CFAP54: variants seen among roughly 807,000 people sequenced by gnomAD.
The protein encoded by CFAP54 is cilia and flagella associated protein 54.
A neutral mutation model predicts 370.4 loss-of-function variants in CFAP54; 290 were observed. That is an observed-to-expected ratio of 0.78 (90% CI 0.71 to 0.86). The LOEUF is 0.86. Ranked by LOEUF, CFAP54 falls within the 40% of genes least tolerant of loss-of-function variation. The probability of loss-of-function intolerance (pLI) is 0.00; values close to 1 mark genes in which losing one functional copy is unlikely to be tolerated. For missense variants in CFAP54, 3,399 were observed against 3,528.7 expected, an observed-to-expected ratio of 0.96 and a Z score of 0.93; for synonymous variants, 1,206 against 1,236.5, an observed-to-expected ratio of 0.98 and a Z score of 0.52.
At chr12:96,730,046 G>T (rs921353881) in intron 50 of CFAP54, among the ~76,000 whole-genome samples, 1 of 152,120 alleles carries the variant, frequency 6.6e-6, no homozygotes, top group Non-Finnish European at 1.5e-5. Context: ...CTCTAATACA[G>T]AATAAAGTTA....
rs746564009 is a variant in CFAP54 at position 96,818,811 on chromosome 12, TCACTC to T, written c.9096+904_9096+908del. 7.2e-5 allele frequency among the ~76,000 whole-genome samples: 11 copies of T among 152,342 alleles called. No homozygotes were observed. The South Asian group carries it at 1.2e-3, about 17-fold the overall frequency. On this transcript the variant is annotated intron_variant, in intron 65 of 67. Transcript: ENST00000524981. ...TTCCCAAACTCACTGATGAGATAAG[TCACTC>T]CACTCTTTTGTGGGTAAATCCAAAA...
chr12:96,777,075 T>G (rs1441400679), intron 60 of CFAP54, among the ~76,000 whole-genome samples: 1 of 152,206 alleles, frequency 6.6e-6, no homozygotes, highest in Non-Finnish European at 1.5e-5. Context: ...AACAAATGTT[T>G]GCCTCCTACC....
chr12:96,492,543 G>A (rs1447371385), intron 1 of CFAP54, among the ~76,000 whole-genome samples: 1 of 152,098 alleles, frequency 6.6e-6, no homozygotes, highest in African/African-American at 2.4e-5. Context: ...TTTTTTAATC[G>A]ATTTGTTTTC....
intron 58 of CFAP54, among the ~76,000 whole-genome samples, chr12:96,760,458 C>T (rs1388856242): frequency 1.3e-5 from 2 of 152,174 alleles, no homozygotes; most frequent in African/African-American, 2.4e-5. Flanking sequence ...CCCCTAGTCC[C>T]ATGAAACCAC....
chr12:96,647,500 A>AAAAAC (rs1565927578), intron 33 of CFAP54, among the ~76,000 whole-genome samples: 143 of 145,268 alleles, frequency 9.8e-4, no homozygotes, highest in East Asian at 5.4e-3. Context: ...AAAAAAAGAA[A>AAAAAC]TGCCATTGAT....
intron 63 of CFAP54, among the ~76,000 whole-genome samples, chr12:96,802,333 T>C (rs1184861628): frequency 6.6e-6 from 1 of 151,210 alleles, no homozygotes; most frequent in Non-Finnish European, 1.5e-5. Flanking sequence ...ATTTTGAGAG[T>C]TTAATGTTGG....
chr12:96,621,439 T>G (rs1009859117), intron 26 of CFAP54, 151 bp from the exon 27 acceptor site: 17 of 451,148 alleles, frequency 3.8e-5, no homozygotes, highest in Non-Finnish European at 6.2e-5. Flanking sequence ...TAATACGATC[T>G]GGAGGTAAAC....
intron 42 of CFAP54, 58 bp downstream of exon 42, chr12:96,685,296 C>T: frequency 6.6e-7 from 1 of 1,512,584 alleles, no homozygotes; most frequent in Non-Finnish European, 9.2e-7. Context: ...GTGGGGTGCC[C>T]TCCTGTGCCA....
chr12:96,734,907 C>A (rs189061500), intron 50 of CFAP54, among the ~76,000 whole-genome samples: 5 of 152,162 alleles, frequency 3.3e-5, no homozygotes, highest in South Asian at 2.1e-4. Context: ...GTAAATATGA[C>A]AAATAGTTCC....
chr12:96,496,192 T>C (rs1455421192), intron 1 of CFAP54, among the ~76,000 whole-genome samples: 1 of 152,252 alleles, frequency 6.6e-6, no homozygotes, highest in Non-Finnish European at 1.5e-5. Context: ...TCTCCTTCAC[T>C]CAATCAGTGA....
At chr12:96,796,891 T>C (rs1053561376) in intron 63 of CFAP54, among the ~76,000 whole-genome samples, 10 of 152,310 alleles carry the variant, frequency 6.6e-5, no homozygotes, top group Admixed American at 5.9e-4. Flanking sequence ...GTTATTTTCC[T>C]AGCTGCTGAC....
intron 32 of CFAP54, among the ~76,000 whole-genome samples, chr12:96,636,087 C>G (rs1472239240): frequency 1.3e-5 from 2 of 152,196 alleles, no homozygotes; most frequent in East Asian, 3.9e-4. Context: ...TCTAGAGGCT[C>G]TACCCTGAGT....
At position 96,644,336 on chromosome 12, in the gene CFAP54, A is replaced by T; in HGVS notation, c.4475A>T (p.His1492Leu). 6.5e-7 allele frequency: 1 copy of T among 1,536,006 alleles called. No homozygotes were observed. Among genetic ancestry groups the T allele is most frequent in the South Asian group, 1.2e-5 (1 of 84,058 alleles). ...AQMNLYLAGA[H>L]FNLVLQKLWE... is the part of the protein sequence containing the mutation. ...ATGAACCTGTATCTAGCAGGTGCAC[A>T]CTTTAACCTGGTTTTACAAAAGCTA... Residue 1492 changes from histidine to leucine, a missense_variant, in exon 33 of 68, where the codon CAC (histidine) becomes CTC (leucine). Around this residue, in one of 3 missense-constraint regions of CFAP54, gnomAD observed 2,796 missense variants for 2,869.7 expected, o/e 0.97. Transcript: ENST00000524981.
At position 96,756,460 on chromosome 12, in the gene CFAP54, A is replaced by G. The variant is rs1414107205; in HGVS notation, c.7843A>G (p.Lys2615Glu). The stretch of plus-strand genomic sequence containing the variant: ...TTTGTATCTTTTTCTTCTTTCAGGC[A>G]AAATAGAACGTCAAATACTAATGGA... ...VEAEILFQKG[K>E]IERQILMEEK... The change falls in exon 57 of 68, where the codon AAA becomes GAA. Residue 2615 changes from lysine to glutamate, a missense_variant and splice_region_variant. By Grantham distance (56) the Lys-to-Glu change is moderately conservative. Around this residue, in one of 3 missense-constraint regions of CFAP54, gnomAD observed 2,796 missense variants for 2,869.7 expected, o/e 0.97. Coordinates refer to ENST00000524981, the MANE Select transcript of CFAP54 (RefSeq NM_001306084.2). The G allele has an allele frequency of 1.3e-6, 2 of 1,576,660 alleles. No homozygotes were observed. Among genetic ancestry groups the G allele is most frequent in the Non-Finnish European group, 1.7e-6 (2 of 1,163,448 alleles).
Position 96,630,208 on chromosome 12 carries a change from A to G in CFAP54, c.4215+4A>G. The G allele has an allele frequency of 7.1e-7, 1 of 1,418,212 alleles. No individual in the cohort carries two copies. Among genetic ancestry groups the G allele is most frequent in the South Asian group, 1.3e-5 (1 of 78,904 alleles). 87.9% of individuals were successfully genotyped at this position (1,418,212 alleles called of 1,614,324 possible). A position where few individuals can be genotyped will look rare whatever the true frequency, so the allele number is the denominator to read the frequency against. On this transcript the variant is annotated splice_donor_region_variant and intron_variant, in intron 31 of 67. Transcript: ENST00000524981. The stretch of plus-strand genomic sequence containing the variant: ...TGCAGTAATGGAAATTGGAAGAGTA[A>G]GTTTCCTATGAGTTTTGAATTTTAG...
chr12:96,647,923 A>G lies in CFAP54; in HGVS notation c.4596A>G (p.Thr1532=). The G allele has an allele frequency of 6.6e-7, 1 of 1,515,004 alleles. No individual in the cohort carries two copies. The highest frequency in any genetic ancestry group is 8.8e-7 in the Non-Finnish European group (1 of 1,139,456). The allele number at this position is 1,515,004 out of a possible 1,614,324, so 93.8% of individuals were successfully genotyped here. The change falls in exon 34 of 68, where the codon ACA becomes ACG. Residue 1532 remains threonine, a synonymous_variant. Transcript: ENST00000524981. ...PNMFSLYNSG[T]VLPTRKLTVE... is the part of the protein sequence containing the mutation. ...TGTTTTCACTGTATAATTCAGGAAC[A>G]GTATTACCAACAAGAAAATTGACTG... is the stretch of plus-strand genomic sequence containing the variant.
intron 38 of CFAP54, among the ~76,000 whole-genome samples, chr12:96,662,497 A>G (rs1592695316): frequency 6.6e-6 from 1 of 152,106 alleles, no homozygotes; most frequent in South Asian, 2.1e-4. Context: ...GAACCACCAC[A>G]CCCAGCCTGT....
Position 96,592,654 on chromosome 12 carries a change from G to T in CFAP54, c.3360+17G>T. On this transcript the variant is annotated intron_variant, in intron 24 of 67. Coordinates refer to ENST00000524981, the MANE Select transcript of CFAP54 (RefSeq NM_001306084.2). Reference sequence around the variant, plus strand: ...TCTCAACAAGTAAGTGAATTAAAGTGACTAAAAACATGTCAGATTCACTGT... The same window carrying T: ...TCTCAACAAGTAAGTGAATTAAAGTTACTAAAAACATGTCAGATTCACTGT... 1.1e-6 allele frequency: 1 copy of T among 894,534 alleles called. No individual in the cohort carries two copies. The highest frequency in any genetic ancestry group is 1.5e-6 in the Non-Finnish European group (1 of 650,648). 55.4% of individuals were successfully genotyped at this position (894,534 alleles called of 1,614,324 possible). A position where few individuals can be genotyped will look rare whatever the true frequency, so the allele number is the denominator to read the frequency against.
At chr12:96,621,760 G>GTTTGCATC in intron 27 of CFAP54, 39 bp downstream of exon 27, 2 of 1,428,854 alleles carry the variant, frequency 1.4e-6, no homozygotes, top group Non-Finnish European at 1.8e-6. Context: ...CCTACGTTTA[G>GTTTGCATC]TTTGCATCTT....
Sources: allele counts gnomAD v4.1 joint callset (sites outside exome capture counted in the v4.1 genomes callset), GRCh38; gene constraint gnomAD v4.1.1; regional missense constraint gnomAD v4.1.1; transcripts MANE v1.5; gene names NCBI Gene and HGNC (gene_info 2026-07-23, HGNC 2026-07-21).